The following GLB1L3 variants were observed in gnomAD, a reference collection of about 807,000 sequenced individuals.
The protein encoded by GLB1L3 is beta-galactosidase-1-like protein 3.
A neutral mutation model predicts 89.5 loss-of-function variants in GLB1L3; 89 were observed. The ratio of observed to expected loss-of-function variants is 0.99; its 90% confidence interval spans 0.84 to 1.19. The LOEUF (loss-of-function observed/expected upper bound fraction) is 1.19, where lower values mean the gene tolerates loss of function less well. GLB1L3 is among the 50% of genes most tolerant of loss of function. The probability of loss-of-function intolerance (pLI) is 0.00; values close to 1 mark genes in which losing one functional copy is unlikely to be tolerated. For missense variants in GLB1L3, 812 were observed against 813.3 expected, an observed-to-expected ratio of 1.00 and a Z score of 0.02; for synonymous variants, 314 against 312.3, an observed-to-expected ratio of 1.01 and a Z score of -0.06.
intron 18 of GLB1L3, among the ~76,000 whole-genome samples, chr11:134,315,628 A>G (rs965304165): frequency 6.6e-6 from 1 of 152,184 alleles, no homozygotes; most frequent in Non-Finnish European, 1.5e-5. Context: ...TGTCTAGATC[A>G]TTGGTAGTAA....
chr11:134,302,302 T>A (rs562943114), intron 9 of GLB1L3, among the ~76,000 whole-genome samples: 14 of 151,358 alleles, frequency 9.2e-5, no homozygotes, highest in Admixed American at 3.3e-4. Flanking sequence ...GATATTGGCA[T>A]GTTTTAAACG....
intron 7 of GLB1L3, chr11:134,289,094 T>C: frequency 2.0e-6 from 1 of 496,192 alleles, no homozygotes; most frequent in Non-Finnish European, 3.6e-6. Flanking sequence ...ATTTAGTCAC[T>C]AATAGTCTAC....
intron 3 of GLB1L3, 88 bp from the exon 4 acceptor site, chr11:134,281,289 T>A: frequency 6.9e-7 from 1 of 1,448,916 alleles, no homozygotes; most frequent in South Asian, 1.1e-5. Context: ...GAGCTATGCA[T>A]GGTTTTGGCT....
chr11:134,289,566 A>T (rs190512260), intron 7 of GLB1L3, among the ~76,000 whole-genome samples: 1 of 152,348 alleles, frequency 6.6e-6, no homozygotes, highest in Non-Finnish European at 1.5e-5. Context: ...AGAAGACAGA[A>T]CATGGCATTA....
rs1271720965 is a variant in GLB1L3, at chr11:134,310,679, C to T, written c.1180+28C>T. 5 of 1,530,932 alleles carry T rather than the reference C, an allele frequency of 3.3e-6. No individual in the cohort carries two copies. The East Asian group carries it at 1.1e-4, about 34-fold the overall frequency. 94.8% of individuals were successfully genotyped at this position (1,530,932 alleles called of 1,614,324 possible). A position where few individuals can be genotyped will look rare whatever the true frequency, so the allele number is the denominator to read the frequency against. On this transcript the variant is annotated intron_variant, in intron 12 of 19. Transcript: ENST00000431683. ...ACTCAGCACCCATTTAACTTACGGG[C>T]CAGCCCTCCTCATGTGGAGTCTCTG... is the stretch of plus-strand genomic sequence containing the variant.
rs929990874 is a variant in GLB1L3, at chr11:134,277,866, G to A, written c.316G>A (p.Asp106Asn). The A allele has an allele frequency of 4.3e-6, 7 of 1,613,854 alleles. No individual in the cohort carries two copies. In the African/African-American group the frequency reaches 9.3e-5, roughly 22 times the overall value. ...YFRVPREYWR[D>N]RLLKLKACGF... ...CCGGGTGCCCAGGGAGTACTGGAGGGACCGCCTGCTGAAGCTGAAGGCCTG... is the reference window on the plus strand; with the variant it reads ...CCGGGTGCCCAGGGAGTACTGGAGGAACCGCCTGCTGAAGCTGAAGGCCTG... Residue 106 changes from aspartate (D) to asparagine (N), a missense_variant, in exon 3 of 20, where the codon GAC becomes AAC. Physicochemically the swap from Asp to Asn is conservative, Grantham distance 23 (BLOSUM62 1). Coordinates refer to ENST00000431683, the MANE Select transcript of GLB1L3 (RefSeq NM_001080407.3).
rs1943091138 is a variant in GLB1L3 at position 134,318,857 on chromosome 11, A to C, written c.1897-20A>C. On this transcript the variant is annotated intron_variant, in intron 19 of 19. Transcript: ENST00000431683. ...AATAGGCTTCACCTTTCCCACTGTCAACCTTTCTTTTCTTCTCAGGTCATC... is the reference window on the plus strand; with the variant it reads ...AATAGGCTTCACCTTTCCCACTGTCCACCTTTCTTTTCTTCTCAGGTCATC... 3.1e-6 allele frequency: 5 copies of C among 1,609,686 alleles called. No individual in the cohort carries two copies. Among genetic ancestry groups the C allele is most frequent in the Middle Eastern group, 1.7e-4 (1 of 6,050 alleles).
At chr11:134,283,902 T>C in intron 6 of GLB1L3, 57 bp downstream of exon 6, 2 of 1,038,832 alleles carry the variant, frequency 1.9e-6, no homozygotes, top group South Asian at 1.4e-5. Flanking sequence ...AAAGAGTTTG[T>C]TCTGGCTTGA....
chr11:134,312,348 G>A lies in GLB1L3; in HGVS notation c.1288-1G>A. On this transcript the variant is annotated splice_acceptor_variant, in intron 13 of 19. Coordinates refer to ENST00000431683, the MANE Select transcript of GLB1L3 (RefSeq NM_001080407.3). LOFTEE classifies it high-confidence loss of function. ...TCTGCTCTTGCCATTTCTCCTCATA[G>A]CCAGTCAGGTCGCGTCAGCCCGTCA... is the stretch of plus-strand genomic sequence containing the variant. The A allele has an allele frequency of 6.2e-7, 1 of 1,613,302 alleles. No individual in the cohort carries two copies. The highest frequency in any genetic ancestry group is 8.5e-7 in the Non-Finnish European group (1 of 1,179,768).
intron 9 of GLB1L3, among the ~76,000 whole-genome samples, chr11:134,306,015 T>C (rs1361885644): frequency 9.2e-5 from 14 of 151,878 alleles, no homozygotes; most frequent in Non-Finnish European, 1.5e-5. Context: ...GCAAAAAGAG[T>C]GGACAAAGAG....
chr11:134,277,528 T>A lies in GLB1L3; in HGVS notation c.149+77T>A, dbSNP rs989719280. Reference sequence around the variant, plus strand: ...CTTGGAGAAAATAGTATCGCGAATATGCACAGAACACGTCCTACTAACATA... The same window carrying A: ...CTTGGAGAAAATAGTATCGCGAATAAGCACAGAACACGTCCTACTAACATA... On this transcript the variant is annotated intron_variant, in intron 2 of 19. Transcript: ENST00000431683. 5 of 1,570,944 alleles carry A rather than the reference T, an allele frequency of 3.2e-6. No individual in the cohort carries two copies. In the African/African-American group the frequency reaches 6.8e-5, roughly 21 times the overall value.
the GLB1L3 span, among the ~76,000 whole-genome samples, chr11:134,325,116 T>C: frequency 6.6e-6 from 1 of 152,206 alleles, no homozygotes; most frequent in Non-Finnish European, 1.5e-5. Context: ...TTCTTAATAA[T>C]TGTTTTTGGA....
chr11:134,277,300 G>A (rs1393912302), intron 1 of GLB1L3, 26 bp from the exon 2 acceptor site: 34 of 1,613,646 alleles, frequency 2.1e-5, no homozygotes, highest in Non-Finnish European at 2.9e-5. Flanking sequence ...CCTTCCCCTT[G>A]TCACTGTTGT....
Position 134,318,752 on chromosome 11 carries a change from G to C in GLB1L3, c.1896+5G>C. ...CTTCATCCAGAAGACAATGAGGTAT[G>C]TCACTCCAGTCTCTGCCTTGAGATC... On this transcript the variant is annotated splice_donor_5th_base_variant and intron_variant, in intron 19 of 19. Coordinates refer to ENST00000431683, the MANE Select transcript of GLB1L3 (RefSeq NM_001080407.3). 6.3e-7 allele frequency: 1 copy of C among 1,578,962 alleles called. No individual in the cohort carries two copies. The highest frequency in any genetic ancestry group is 8.7e-7 in the Non-Finnish European group (1 of 1,148,836).
chr11:134,288,265 GAGAGTGGGA>G (rs1941129522), intron 6 of GLB1L3, among the ~76,000 whole-genome samples: 1 of 152,166 alleles, frequency 6.6e-6, no homozygotes, highest in South Asian at 2.1e-4. Context: ...TCTTAATGAG[GAGAGTGGGA>G]AGAGGGGAAC....
chr11:134,300,327 C>T (rs1378299818), intron 9 of GLB1L3, among the ~76,000 whole-genome samples: 1 of 99,402 alleles, frequency 1.0e-5, no homozygotes, highest in Non-Finnish European at 2.0e-5. Context: ...ATCCTATTGA[C>T]CACATTTTTT....
rs1940455267 is a variant in GLB1L3 at position 134,277,705 on chromosome 11, A to G, written c.155A>G (p.Asn52Ser). Reference sequence around the variant, plus strand: ...CCCTCGCCCGCCCCCTCCAGGTTTAATTGGTCTCATCTGACCCCTCTGGAG... The same window carrying G: ...CCCTCGCCCGCCCCCTCCAGGTTTAGTTGGTCTCATCTGACCCCTCTGGAG... ...GRAHPSQPRF[N>S]WSHLTPLELK... Residue 52 changes from asparagine (N) to serine (S), a missense_variant, in exon 3 of 20, where the codon AAT (asparagine) becomes AGT (serine). Asn to Ser is a conservative substitution (Grantham distance 46). Transcript: ENST00000431683. The G allele has an allele frequency of 1.2e-6, 2 of 1,607,200 alleles. No homozygotes were observed. Among genetic ancestry groups the G allele is most frequent in the African/African-American group, 1.3e-5 (1 of 74,682 alleles).
At chr11:134,320,831 C>G (rs767398640), downstream of GLB1L3, among the ~76,000 whole-genome samples, 1 of 152,096 alleles carries the variant, frequency 6.6e-6, no homozygotes, top group Non-Finnish European at 1.5e-5. Flanking sequence ...TCTGTAGCGG[C>G]CTTTCTCAAT....
At chr11:134,308,583 CCATCAT>C (rs1942528939) in intron 10 of GLB1L3, among the ~76,000 whole-genome samples, 4 of 145,682 alleles carry the variant, frequency 2.7e-5, no homozygotes, top group African/African-American at 1.0e-4. Flanking sequence ...ATCACCATCA[CCATCAT>C]CACCATCACC....
Sources: gnomAD v4.1 joint callset for allele counts (sites outside exome capture counted in the v4.1 genomes callset) on GRCh38, gnomAD v4.1.1 for gene constraint, MANE v1.5 for transcripts, NCBI Gene and HGNC (gene_info 2026-07-23, HGNC 2026-07-21) for gene names.